The following ABCF1 variants were observed in gnomAD, a reference collection of about 807,000 sequenced individuals.
ABCF1 encodes the protein ATP binding cassette subfamily F member 1.
A neutral mutation model predicts 126.3 loss-of-function variants in ABCF1; 73 were observed. The observed-to-expected ratio is 0.58, with a 90% confidence interval of 0.48 to 0.70. The LOEUF (loss-of-function observed/expected upper bound fraction) is 0.70, where lower values mean the gene tolerates loss of function less well. ABCF1 is among the 30% of genes least tolerant of loss of function. The pLI, the probability that ABCF1 is intolerant of heterozygous loss-of-function variation, is 0.00. For missense variants in ABCF1, 786 were observed against 1,057.5 expected (o/e 0.74, Z 3.56); for synonymous variants, 345 against 396.4 (o/e 0.87, Z 1.54).
rs1383542583 is a variant in ABCF1 at position 30,590,133 on chromosome 6, C to A, written c.2234-16C>A. ...GAGGTGCTAGGTGTGACAGCCCTCC[C>A]CTTCCTTTGCTACAGGTGGTCAGAA... On this transcript the variant is annotated splice_polypyrimidine_tract_variant and intron_variant, in intron 22 of 24. Transcript: ENST00000326195. The A allele has an allele frequency of 6.2e-7, 1 of 1,612,882 alleles. No homozygotes were observed. Among genetic ancestry groups the A allele is most frequent in the Non-Finnish European group, 8.5e-7 (1 of 1,180,018 alleles).
chr6:30,585,086 C>T (rs1314017412), intron 14 of ABCF1, among the ~76,000 whole-genome samples, 174 bp from the exon 15 acceptor site: 1 of 152,218 alleles, frequency 6.6e-6, no homozygotes. Context: ...GCCTGGGCAA[C>T]AGGGCGAGAC....
chr6:30,583,625 C>T lies in ABCF1; in HGVS notation c.933C>T (p.Ile311=). ...GGCTGCAGCTGGAGAAGTTCAGCATCTCCGCTCATGGCAAGGAGCTGTTCG... is the reference window on the plus strand; with the variant it reads ...GGCTGCAGCTGGAGAAGTTCAGCATTTCCGCTCATGGCAAGGAGCTGTTCG... ...ASDIKLEKFS[I]SAHGKELFVN... Residue 311 remains isoleucine, a synonymous_variant, in exon 11 of 25, where the codon ATC becomes ATT. Transcript: ENST00000326195. This position sits in a 1 kb window ranked among gnomAD's most constrained non-coding sequence, Gnocchi z 4.1. The T allele has an allele frequency of 6.2e-7, 1 of 1,614,044 alleles. No homozygotes were observed. Among genetic ancestry groups the T allele is most frequent in the Non-Finnish European group, 8.5e-7 (1 of 1,179,924 alleles).
chr6:30,590,235 A>C (rs760822198), intron 23 of ABCF1, 22 bp downstream of exon 23: 2 of 1,612,890 alleles, frequency 1.2e-6, no homozygotes, highest in East Asian at 4.5e-5. Context: ...GGGCTGTGGG[A>C]AAAGGGATAA....
rs1801641460 is a variant in ABCF1 at position 30,578,613 on chromosome 6, AT to A, written c.489+39del. On this transcript the variant is annotated intron_variant, in intron 6 of 24. Transcript: ENST00000326195. ...TGGCTCGATCAGTCACTCTCACTCCATTTAGCACCTTCTGGCCATGGTGGAG... is the reference window on the plus strand; with the variant it reads ...TGGCTCGATCAGTCACTCTCACTCCATTAGCACCTTCTGGCCATGGTGGAG... 3 of 1,565,740 alleles carry A rather than the reference AT, an allele frequency of 1.9e-6. No homozygotes were observed. The African/African-American group carries it at 4.1e-5, about 21-fold the overall frequency.
chr6:30,583,814 G>A lies in ABCF1; in HGVS notation c.1026G>A (p.Lys342=). 1 of 1,614,172 alleles carries A rather than the reference G, an allele frequency of 6.2e-7. No homozygotes were observed. The highest frequency in any genetic ancestry group is 8.5e-7 in the Non-Finnish European group (1 of 1,180,034). ...YGLVGPNGKG[K]TTLLKHIANR... ...AGCTTTTATTCCCCAGCAAGGGCAA[G>A]ACCACACTCCTCAAGCACATTGCCA... The change falls in exon 12 of 25, where the codon AAG becomes AAA. Residue 342 remains lysine (K), a synonymous_variant. Coordinates refer to ENST00000326195, the MANE Select transcript of ABCF1 (RefSeq NM_001025091.2). This position sits in a 1 kb window ranked among gnomAD's most constrained non-coding sequence, Gnocchi z 4.1.
chr6:30,589,810 T>C lies in ABCF1; in HGVS notation c.2069T>C (p.Ile690Thr). The C allele has an allele frequency of 2.5e-6, 4 of 1,613,980 alleles. No individual in the cohort carries two copies. The South Asian group carries it at 3.3e-5, about 13-fold the overall frequency. Residue 690 changes from isoleucine (I) to threonine (T), a missense_variant, in exon 22 of 25, where the codon ATT becomes ACT. Coordinates refer to ENST00000326195, the MANE Select transcript of ABCF1 (RefSeq NM_001025091.2). Reference protein sequence around the residue: ...GEMRKNHRLKIGFFNQQYAEQ... With the variant: ...GEMRKNHRLKTGFFNQQYAEQ... ...CCTCCCTCTCTTCTCGGGCAGAAAA[T>C]TGGCTTCTTCAACCAGCAGTATGCA...
chr6:30,572,816 T>C (rs1449814451), intron 1 of ABCF1, among the ~76,000 whole-genome samples: 2 of 152,178 alleles, frequency 1.3e-5, no homozygotes, highest in Non-Finnish European at 2.9e-5. Context: ...AGTTTATTCT[T>C]GAAAGATCAT....
At chr6:30,575,222 G>A (rs1264448) in intron 1 of ABCF1, among the ~76,000 whole-genome samples, 111,629 of 151,578 alleles carry the variant, frequency 0.74, 41,524 homozygotes, top group South Asian at 0.87. Context: ...TGCGTGCTCT[G>A]CCACGCCCAG....
intron 9 of ABCF1, 151 bp downstream of exon 9, chr6:30,582,658 C>A (rs535925870): frequency 5.7e-6 from 5 of 872,022 alleles, no homozygotes; most frequent in Non-Finnish European, 7.2e-6. Flanking sequence ...TGAACCTTAT[C>A]TCAATGTCTG....
rs1801991466 is a variant in ABCF1, at chr6:30,584,272, CG to C, written c.1185del (p.Arg396GlyfsTer17). 6.2e-7 allele frequency: 1 copy of C among 1,612,894 alleles called. No individual in the cohort carries two copies. The highest frequency in any genetic ancestry group is 1.1e-5 in the South Asian group (1 of 91,074). On this transcript the variant is annotated frameshift_variant, in exon 13 of 25. Coordinates refer to ENST00000326195, the MANE Select transcript of ABCF1 (RefSeq NM_001025091.2). LOFTEE classifies it high-confidence loss of function. The surrounding 1 kb of genome is among the most constrained non-coding windows in gnomAD (Gnocchi z 4.6). Reference protein sequence around the residue: ...TKRLKLLEEERRLQGQLEQGD... With the variant: ...TKRLKLLEEEXRLQGQLEQGD... Reference sequence around the variant, plus strand: ...GCGATTGAAGCTGCTGGAAGAGGAGCGGCGGCTTCAGGGACAGCTGGAACAA... The same window carrying C: ...GCGATTGAAGCTGCTGGAAGAGGAGCGCGGCTTCAGGGACAGCTGGAACAA...
chr6:30,590,981 C>A lies in ABCF1; in HGVS notation c.*280C>A. The A allele has an allele frequency of 2.6e-6, 1 of 389,858 alleles. No homozygotes were observed. The allele number at this position is 389,858 out of a possible 1,614,324, so 24.1% of individuals were successfully genotyped here. A position where few individuals can be genotyped will look rare whatever the true frequency, so the allele number is the denominator to read the frequency against. On this transcript the variant is annotated 3_prime_UTR_variant, in exon 25 of 25. Transcript: ENST00000326195. ...GAGGTGACCACCTTATTGTGAGGTTCCATCCAGCCAAGTTTATGTGGCCTA... is the reference window on the plus strand; with the variant it reads ...GAGGTGACCACCTTATTGTGAGGTTACATCCAGCCAAGTTTATGTGGCCTA...
chr6:30,583,942 A>G lies in ABCF1; in HGVS notation c.1102+52A>G. 1 of 1,585,106 alleles carries G rather than the reference A, an allele frequency of 6.3e-7. No homozygotes were observed. The highest frequency in any genetic ancestry group is 8.7e-7 in the Non-Finnish European group (1 of 1,156,010). On this transcript the variant is annotated intron_variant, in intron 12 of 24. Transcript: ENST00000326195. The surrounding 1 kb of genome is among the most constrained non-coding windows in gnomAD (Gnocchi z 4.1). ...TTGGTGGGGTGGGCAGTTGGGTAGA[A>G]AAGCCAGCCAGCCAAGAATAGAAGA...
At chr6:30,587,633 C>CT (rs1294215156) in intron 20 of ABCF1, among the ~76,000 whole-genome samples, 5 of 148,426 alleles carry the variant, frequency 3.4e-5, no homozygotes, top group Non-Finnish European at 7.4e-5. Flanking sequence ...AAAACTCCGT[C>CT]TAAAAAAAAA....
chr6:30,580,849 T>G (rs1801781336), intron 8 of ABCF1, among the ~76,000 whole-genome samples: 1 of 151,958 alleles, frequency 6.6e-6, no homozygotes, highest in Non-Finnish European at 1.5e-5. Flanking sequence ...AATTTTTTTA[T>G]TTTTAGTATA....
chr6:30,579,346 C>T (rs1002145908), intron 6 of ABCF1, among the ~76,000 whole-genome samples: 4 of 151,750 alleles, frequency 2.6e-5, no homozygotes, highest in South Asian at 4.2e-4. Context: ...ACTTCTGCTT[C>T]GGTGTACGAT....
Position 30,584,540 on chromosome 6 carries a change from C to CT in ABCF1, c.1366dup (p.Trp456LeufsTer22). ...GACCCACACAGAAGTTCTCAGGGGG[C>CT]TGGCGCATGCGTGTCTCCCTGGCCA... is the stretch of plus-strand genomic sequence containing the variant. On this transcript the variant is annotated frameshift_variant, in exon 14 of 25. Transcript: ENST00000326195. LOFTEE classifies it high-confidence loss of function. This position sits in a 1 kb window ranked among gnomAD's most constrained non-coding sequence, Gnocchi z 4.6. 1 of 1,608,744 alleles carries CT rather than the reference C, an allele frequency of 6.2e-7. No individual in the cohort carries two copies. The highest frequency in any genetic ancestry group is 8.5e-7 in the Non-Finnish European group (1 of 1,177,586).
intron 24 of ABCF1, 32 bp downstream of exon 24, chr6:30,590,410 G>A: frequency 1.9e-6 from 3 of 1,590,142 alleles, no homozygotes; most frequent in Non-Finnish European, 2.6e-6. Context: ...CCTCATCCCT[G>A]CTCCATGGGG....
chr6:30,582,833 ATGGG>A (rs1328494046), intron 9 of ABCF1, among the ~76,000 whole-genome samples: 1 of 152,132 alleles, frequency 6.6e-6, no homozygotes, highest in Admixed American at 6.5e-5. Context: ...AGCTGAGACT[ATGGG>A]TGGCACCACC....
At chr6:30,571,659 C>T in intron 1 of ABCF1, 99 bp downstream of exon 1, 4 of 1,362,828 alleles carry the variant, frequency 2.9e-6, no homozygotes, top group Non-Finnish European at 4.1e-6. Flanking sequence ...CTGACCGGGC[C>T]CCTGCGGGAG....
Sources: allele counts gnomAD v4.1 joint callset (sites outside exome capture counted in the v4.1 genomes callset), GRCh38; gene constraint gnomAD v4.1.1; non-coding constraint Gnocchi (gnomAD v3.1); transcripts MANE v1.5; gene names NCBI Gene and HGNC (gene_info 2026-07-23, HGNC 2026-07-21).